EML5: variants seen among roughly 807,000 people sequenced by gnomAD.
EML5 encodes the protein EMAP like 5.
A neutral mutation model predicts 250.0 loss-of-function variants in EML5; 120 were observed. The ratio of observed to expected loss-of-function variants is 0.48; its 90% confidence interval spans 0.41 to 0.56. The LOEUF is 0.56. Ranked by LOEUF, EML5 falls within the 20% of genes least tolerant of loss-of-function variation. The pLI is 0.00. For synonymous variants in EML5, 771 were observed against 806.5 expected (o/e 0.96, Z 0.75); for missense variants, 2,006 against 2,437.6 (o/e 0.82, Z 3.73).
intron 8 of EML5, among the ~76,000 whole-genome samples, chr14:88,719,559 G>A (rs536413077): frequency 1.5e-4 from 23 of 152,154 alleles, no homozygotes; most frequent in Admixed American, 4.6e-4. Context: ...TGCCTCTGAG[G>A]AGTTTGCTGT....
At chr14:88,717,464 A>G (rs2093515611) in intron 8 of EML5, among the ~76,000 whole-genome samples, 1 of 152,286 alleles carries the variant, frequency 6.6e-6, no homozygotes, top group East Asian at 1.9e-4. Context: ...GTTCCAACGT[A>G]AAAAACAAAT....
chr14:88,755,069 T>C (rs1206996690), intron 1 of EML5, among the ~76,000 whole-genome samples: 1 of 152,122 alleles, frequency 6.6e-6, no homozygotes, highest in African/African-American at 2.4e-5. Context: ...CTTCCAAAAG[T>C]GCTGGGATTA....
chr14:88,702,931 T>C (rs1370664785), intron 13 of EML5, among the ~76,000 whole-genome samples: 1 of 152,134 alleles, frequency 6.6e-6, no homozygotes, highest in African/African-American at 2.4e-5. Context: ...ATTTTTGTAT[T>C]TTTCATAGAG....
chr14:88,686,532 A>G (rs926737176), intron 19 of EML5, among the ~76,000 whole-genome samples: 2 of 152,186 alleles, frequency 1.3e-5, no homozygotes, highest in South Asian at 4.2e-4. Flanking sequence ...CAAAAAAAAA[A>G]AGGTAGGCCA....
chr14:88,702,251 A>G (rs2093228140), intron 14 of EML5, among the ~76,000 whole-genome samples, 195 bp downstream of exon 14: 1 of 152,178 alleles, frequency 6.6e-6, no homozygotes, highest in Non-Finnish European at 1.5e-5. Flanking sequence ...AATAATATGA[A>G]TTAAAATAAT....
Position 88,657,455 on chromosome 14 carries a change from T to C in EML5, c.3925A>G (p.Arg1309Gly), listed in dbSNP as rs2091913656. Reference sequence around the variant, plus strand: ...GGGCGAATATTTGTTGATAAGGCTCTGATGGTGTAACTGATTTCATTCTCC... The same window carrying C: ...GGGCGAATATTTGTTGATAAGGCTCCGATGGTGTAACTGATTTCATTCTCC... The part of the protein sequence containing the change: ...TRENEISYTI[R>G]ALSTNIRPML... Residue 1309 changes from arginine (R) to glycine (G), a missense_variant, in exon 27 of 44, where the codon AGA becomes GGA. Arg to Gly is a moderately radical substitution (Grantham distance 125, BLOSUM62 -2). This residue lies in a region of EML5 where 1,375 missense variants were observed against 1,590.3 expected (regional missense o/e 0.86). Coordinates refer to ENST00000554922, the MANE Select transcript of EML5 (RefSeq NM_183387.3). 1.2e-6 allele frequency: 2 copies of C among 1,606,310 alleles called. No individual in the cohort carries two copies. Among genetic ancestry groups the C allele is most frequent in the African/African-American group, 2.7e-5 (2 of 74,822 alleles).
chr14:88,791,315 C>T (rs755439632), intron 1 of EML5, among the ~76,000 whole-genome samples: 10 of 152,090 alleles, frequency 6.6e-5, no homozygotes, highest in Non-Finnish European at 1.5e-4. Context: ...GTAACCAAAC[C>T]CAAATCGTAG....
At chr14:88,732,860 G>A (rs761869522) in intron 7 of EML5, among the ~76,000 whole-genome samples, 2 of 152,166 alleles carry the variant, frequency 1.3e-5, no homozygotes, top group African/African-American at 2.4e-5. Context: ...TCCCAGGCTG[G>A]AGTGCAGTGG....
chr14:88,742,343 T>C (rs1308397680), intron 4 of EML5, among the ~76,000 whole-genome samples: 1 of 152,128 alleles, frequency 6.6e-6, no homozygotes, highest in Non-Finnish European at 1.5e-5. Flanking sequence ...AGGAAATGAA[T>C]TTTAAGTTTC....
intron 1 of EML5, among the ~76,000 whole-genome samples, chr14:88,790,291 T>C (rs1046349601): frequency 6.6e-6 from 1 of 152,262 alleles, no homozygotes; most frequent in Non-Finnish European, 1.5e-5. Context: ...TTCATTGTTA[T>C]ACATTAAAGA....
intron 11 of EML5, chr14:88,706,022 G>A: frequency 3.7e-6 from 2 of 546,442 alleles, no homozygotes; most frequent in Non-Finnish European, 3.2e-6. Flanking sequence ...TAATATAACT[G>A]TTTCTTCACT....
In EML5 at chr14:88,647,091, G is replaced by A. The variant is rs1381411544; in HGVS notation, c.4020-136C>T. On this transcript the variant is annotated intron_variant, in intron 28 of 43. Coordinates refer to ENST00000554922, the MANE Select transcript of EML5 (RefSeq NM_183387.3). The stretch of plus-strand genomic sequence containing the variant: ...CTATATTGCATAATATTAAAGGCCT[G>A]TTGTTTTTAGTTTATAATCCCAGCA... The A allele has an allele frequency of 1.6e-5, 12 of 741,918 alleles. No homozygotes were observed. The East Asian group carries it at 3.6e-4, about 22-fold the overall frequency. The allele number at this position is 741,918 out of a possible 1,614,324, so 46.0% of individuals were successfully genotyped here.
chr14:88,777,216 G>A (rs1005488041), intron 1 of EML5, among the ~76,000 whole-genome samples: 1 of 149,050 alleles, frequency 6.7e-6, no homozygotes, highest in Non-Finnish European at 1.5e-5. Context: ...AACACACAAC[G>A]GAGCTCCAAT....
At chr14:88,711,070 A>G (rs2093397633) in intron 10 of EML5, among the ~76,000 whole-genome samples, 1 of 152,134 alleles carries the variant, frequency 6.6e-6, no homozygotes, top group African/African-American at 2.4e-5. Flanking sequence ...CATCATGACT[A>G]CTACTGAATC....
At chr14:88,616,651 T>A (rs989974138) in intron 42 of EML5, 75 bp downstream of exon 42, 4 of 1,355,200 alleles carry the variant, frequency 3.0e-6, no homozygotes, top group Middle Eastern at 2.3e-4. Flanking sequence ...ATTTTAAATA[T>A]ATGGGGAAAA....
At chr14:88,692,500 C>T (rs192508224) in intron 17 of EML5, among the ~76,000 whole-genome samples, 10 of 152,218 alleles carry the variant, frequency 6.6e-5, no homozygotes, top group African/African-American at 2.2e-4. Context: ...TAGGTATTAT[C>T]GGTAGTCTAG....
intron 33 of EML5, among the ~76,000 whole-genome samples, chr14:88,630,909 G>A (rs930973112): frequency 6.6e-6 from 1 of 152,162 alleles, no homozygotes; most frequent in African/African-American, 2.4e-5. Context: ...CCTGGGTTCT[G>A]GATGACATCA....
chr14:88,652,811 T>C lies in EML5; in HGVS notation c.4005-2885A>G, dbSNP rs1188506637. The stretch of plus-strand genomic sequence containing the variant: ...TTTACCACCTTTGATTTTGAAACAC[T>C]AGTTTCACAATTTATTTCTTAATCT... On this transcript the variant is annotated intron_variant, in intron 27 of 43. Transcript: ENST00000554922. Among the ~76,000 whole-genome samples, 85 of 152,212 alleles carry C rather than the reference T, an allele frequency of 5.6e-4. 1 individual carries two copies. Among genetic ancestry groups the C allele is most frequent in the Non-Finnish European group, 1.2e-4 (8 of 68,028 alleles).
Position 88,702,477 on chromosome 14 carries a change from T to C in EML5, c.2207A>G (p.His736Arg). ...TGTTGCCACGTAGTCTTTCAAAGGA[T>C]GAATAGTTAGGCAGAGAATATCATC... ...HDDDILCLTI[H>R]PLKDYVATGQ... Residue 736 changes from histidine (H) to arginine (R), a missense_variant, in exon 14 of 44, where the codon CAT becomes CGT. His to Arg is a conservative substitution (Grantham distance 29). This residue lies in a region of EML5 where 1,375 missense variants were observed against 1,590.3 expected (regional missense o/e 0.86). Transcript: ENST00000554922. The C allele has an allele frequency of 6.2e-7, 1 of 1,612,946 alleles. No homozygotes were observed. Among genetic ancestry groups the C allele is most frequent in the Non-Finnish European group, 8.5e-7 (1 of 1,179,428 alleles).
Sources: gnomAD v4.1 joint callset for allele counts (sites outside exome capture counted in the v4.1 genomes callset) on GRCh38, gnomAD v4.1.1 for gene constraint, gnomAD v4.1.1 regional missense constraint, MANE v1.5 for transcripts, NCBI Gene and HGNC (gene_info 2026-07-23, HGNC 2026-07-21) for gene names.